Variants in CELF2 observed in about 807,000 individuals in gnomAD.
The protein encoded by CELF2 is CUGBP Elav-like family member 2.
CELF2 carries 8 observed loss-of-function variants against 62.6 expected under a neutral mutation model. The ratio of observed to expected loss-of-function variants is 0.13; its 90% CI spans 0.07 to 0.23. The LOEUF (loss-of-function observed/expected upper bound fraction) is 0.23. Ranked by LOEUF, CELF2 falls within the 10% of genes least tolerant of loss-of-function variation. The pLI is 1.00. For missense variants in CELF2, 333 were observed against 671.0 expected (o/e 0.50, Z 5.56); for synonymous variants, 258 against 250.0 (o/e 1.03, Z -0.30).
rs557614983 is a variant in CELF2 at position 10,958,222 on chromosome 10, T to C, written c.89+38223T>C. Among the ~76,000 whole-genome samples, 4 of 152,358 alleles carry C rather than the reference T, an allele frequency of 2.6e-5. No individual in the cohort carries two copies. In the South Asian group the frequency reaches 8.3e-4, roughly 32 times the overall value. On this transcript the variant is annotated intron_variant, in intron 2 of 13. Coordinates refer to the CELF2 transcript ENST00000636488. ...GGAGAGGTTTTGCTGAAATCTGTGC[T>C]TGGCTTTTTCCCAGAAATATCACTT... is the stretch of plus-strand genomic sequence containing the variant.
chr10:10,485,021 C>A, the CELF2 span, among the ~76,000 whole-genome samples: 1 of 152,024 alleles, frequency 6.6e-6, no homozygotes. Context: ...CTGATGCTAC[C>A]AGGAATTGCC....
At chr10:10,913,379 CTTTTTTTTTTTT>C (rs34163796) in intron 1 of CELF2, among the ~76,000 whole-genome samples, 1 of 57,360 alleles carries the variant, frequency 1.7e-5, no homozygotes, top group Non-Finnish European at 2.9e-5. Context: ...GTAATGATGT[CTTTTTTTTTTTT>C]TTTTTTTTTT....
the CELF2 span, among the ~76,000 whole-genome samples, chr10:10,599,725 CT>C: frequency 9.9e-4 from 133 of 134,510 alleles, no homozygotes; most frequent in Middle Eastern, 3.9e-3. Context: ...TTCTTTCTTT[CT>C]TTTTTTTTTT....
At chr10:11,148,697 T>C (rs951329715) in intron 1 of CELF2, among the ~76,000 whole-genome samples, 2 of 152,234 alleles carry the variant, frequency 1.3e-5, no homozygotes, top group Non-Finnish European at 2.9e-5. Context: ...CTTTCATACA[T>C]AAGTGGTTCC....
At chr10:11,196,231 C>T (rs1046557871) in intron 2 of CELF2, among the ~76,000 whole-genome samples, 1 of 152,230 alleles carries the variant, frequency 6.6e-6, no homozygotes, top group African/African-American at 2.4e-5. Flanking sequence ...GCGTCTTTCT[C>T]GAGGAAGAAA....
intron 1 of CELF2, among the ~76,000 whole-genome samples, chr10:11,138,035 A>G (rs112525515): frequency 6.6e-6 from 1 of 152,250 alleles, no homozygotes; most frequent in Non-Finnish European, 1.5e-5. Context: ...ACAGATTTAG[A>G]TGATAGATGA....
chr10:10,805,449 C>G (rs2055118522), intron 1 of CELF2, among the ~76,000 whole-genome samples: 1 of 152,072 alleles, frequency 6.6e-6, no homozygotes, highest in African/African-American at 2.4e-5. Flanking sequence ...AGTTACGACT[C>G]AGTACTTTTA....
intron 1 of CELF2, among the ~76,000 whole-genome samples, chr10:10,853,408 G>C (rs1195792059): frequency 2.6e-5 from 4 of 152,082 alleles, no homozygotes; most frequent in African/African-American, 4.8e-5. Context: ...GGGAGGAGTG[G>C]TGCATTTAGT....
chr10:10,906,711 T>C (rs1026641073), intron 1 of CELF2, among the ~76,000 whole-genome samples: 19 of 119,438 alleles, frequency 1.6e-4, no homozygotes, highest in African/African-American at 3.9e-4. Context: ...TTTTTCTTTT[T>C]CTTTTCTTTT....
chr10:10,986,909 T>C (rs969256961), intron 2 of CELF2, among the ~76,000 whole-genome samples: 3 of 152,208 alleles, frequency 2.0e-5, no homozygotes, highest in Admixed American at 2.0e-4. Flanking sequence ...CCCTGAGGAC[T>C]TTCAGTGGCA....
At chr10:11,022,977 A>G (rs1455793202) in intron 1 of CELF2, among the ~76,000 whole-genome samples, 1 of 152,260 alleles carries the variant, frequency 6.6e-6, no homozygotes, top group Non-Finnish European at 1.5e-5. Context: ...GTCAAGGAGC[A>G]AAATTAATAA....
Position 11,334,612 on chromosome 10 carries a change from A to G in CELF2, c.*5559A>G, listed in dbSNP as rs1417013105. The G allele has an allele frequency of 6.6e-6, 1 of 152,276 alleles. No homozygotes were observed. The allele number at this position is 152,276 out of a possible 1,614,324, so 9.4% of individuals were successfully genotyped here. On this transcript the variant is annotated 3_prime_UTR_variant, in exon 13 of 13. Coordinates refer to ENST00000633077, the MANE Select transcript of CELF2 (RefSeq NM_001326342.2). ...TTTTTTCCTACAGTTCACCTCAGTA[A>G]CTGCCTTTGGGGTTGGATTTGCCAA...
At chr10:10,573,202 G>A in the CELF2 span, among the ~76,000 whole-genome samples, 3 of 152,076 alleles carry the variant, frequency 2.0e-5, no homozygotes, top group Non-Finnish European at 4.4e-5. Flanking sequence ...GGGGTTGTTT[G>A]TTTTTATTTC....
the CELF2 span, among the ~76,000 whole-genome samples, chr10:10,558,268 C>T: frequency 2.6e-5 from 4 of 151,934 alleles, no homozygotes; most frequent in South Asian, 6.2e-4. Flanking sequence ...TTGTCAAAGG[C>T]TTTTTCTGCA....
At position 11,005,616 on chromosome 10, in the gene CELF2, G is replaced by A. The variant is rs921994102; in HGVS notation, c.53+176G>A. On this transcript the variant is annotated intron_variant, in intron 1 of 12. Transcript: ENST00000416382. The surrounding 1 kb of genome is among the most constrained non-coding windows in gnomAD (Gnocchi z 4.3). ...AGACCCAGAGATTGGGAGAAAGAGA[G>A]AGCCAGCGAGAGAAAGGCGGAGGAC... Among the ~76,000 whole-genome samples, 1 of 152,188 alleles carries A rather than the reference G, an allele frequency of 6.6e-6. No individual in the cohort carries two copies. Among genetic ancestry groups the A allele is most frequent in the Admixed American group, 6.5e-5 (1 of 15,280 alleles).
the CELF2 span, among the ~76,000 whole-genome samples, chr10:10,659,102 A>C: frequency 1.3e-5 from 2 of 152,190 alleles, no homozygotes; most frequent in African/African-American, 4.8e-5. Flanking sequence ...CTTGTTGTAG[A>C]AATGCTGTTC....
the CELF2 span, among the ~76,000 whole-genome samples, chr10:10,733,668 A>C: frequency 6.6e-6 from 1 of 152,222 alleles, no homozygotes; most frequent in Admixed American, 6.5e-5. Flanking sequence ...ATGGTGGCAG[A>C]CAAGAAAGAA....
intron 2 of CELF2, among the ~76,000 whole-genome samples, chr10:10,992,984 T>C (rs1010744981): frequency 4.6e-5 from 7 of 152,168 alleles, no homozygotes; most frequent in Non-Finnish European, 8.8e-5. Flanking sequence ...AACACTTATA[T>C]ATTCTTGTTG....
chr10:10,813,282 G>T (rs1321173504), intron 1 of CELF2, among the ~76,000 whole-genome samples: 1 of 152,184 alleles, frequency 6.6e-6, no homozygotes, highest in East Asian at 1.9e-4. Flanking sequence ...TGGTCCTGCA[G>T]GGCTGAAGAT....
Sources: allele counts gnomAD v4.1 joint callset (sites outside exome capture counted in the v4.1 genomes callset), GRCh38; gene constraint gnomAD v4.1.1; non-coding constraint Gnocchi (gnomAD v3.1); transcripts MANE v1.5; gene names NCBI Gene and HGNC (gene_info 2026-07-23, HGNC 2026-07-21).